LZTR1: variants seen among roughly 807,000 people sequenced by gnomAD.
LZTR1 encodes leucine zipper like post translational regulator 1, also known as leucine-zipper-like transcriptional regulator 1.
A neutral mutation model predicts 105.7 loss-of-function variants in LZTR1; 260 were observed. That is an observed-to-expected ratio of 2.46 (90% CI 2.22 to 2.72). The LOEUF (loss-of-function observed/expected upper bound fraction) is 2.72. Among genes scored for constraint, LZTR1 ranks in the 30% most tolerant of loss-of-function variants. The pLI, the probability that LZTR1 is intolerant of heterozygous loss-of-function variation, is 0.00. For synonymous variants in LZTR1, 490 were observed against 476.4 expected, an observed-to-expected ratio of 1.03 and a Z score of -0.37; for missense variants, 1,214 against 1,166.9, an observed-to-expected ratio of 1.04 and a Z score of -0.59.
In LZTR1 at chr22:20,988,555, G is replaced by C. The variant is rs114061234; in HGVS notation, c.510-234G>C. Reference sequence around the variant, plus strand: ...GAGCACCCCCTTTGATATTTTGGGGGCACCTAGGAGAAGGTTCTGTGCCTC... The same window carrying C: ...GAGCACCCCCTTTGATATTTTGGGGCCACCTAGGAGAAGGTTCTGTGCCTC... On this transcript the variant is annotated intron_variant, in intron 5 of 20. Coordinates refer to ENST00000646124, the MANE Select transcript of LZTR1 (RefSeq NM_006767.4). 8.8e-3 allele frequency among the ~76,000 whole-genome samples: 1,347 copies of C among 152,332 alleles called. 20 individuals are homozygous for C. The highest frequency in any genetic ancestry group is 0.031 in the African/African-American group (1,276 of 41,560).
intron 8 of LZTR1, 51 bp from the exon 9 acceptor site, chr22:20,991,577 G>A: frequency 7.0e-7 from 1 of 1,421,424 alleles, no homozygotes; most frequent in African/African-American, 1.4e-5. Context: ...AGGCCCCGAG[G>A]GTGAGCAGGA....
Position 20,990,475 on chromosome 22 carries a change from C to T in LZTR1, c.741C>T (p.Ser247=), listed in dbSNP as rs114458679. 554 of 1,613,848 alleles carry T rather than the reference C, an allele frequency of 3.4e-4. 5 individuals carry two copies. In the African/African-American group the frequency reaches 6.1e-3, roughly 18 times the overall value. The stretch of plus-strand genomic sequence containing the variant: ...AGATGTTTGTATTCTCTGGGCAAAG[C>T]GGAGCCAAAATAACCAACAACCTCT... The part of the protein sequence containing the change: ...RDKMFVFSGQ[S]GAKITNNLFQ... Residue 247 remains serine, a synonymous_variant, in exon 8 of 21, where the codon AGC becomes AGT. Transcript: ENST00000646124.
At position 20,993,936 on chromosome 22, in the gene LZTR1, G is replaced by A. The variant is rs565109294; in HGVS notation, c.1366G>A (p.Val456Met). 13 of 1,612,266 alleles carry A rather than the reference G, an allele frequency of 8.1e-6. No individual in the cohort carries two copies. The highest frequency in any genetic ancestry group is 1.1e-5 in the South Asian group (1 of 90,884). ...ATTCTTTGTGCAGAAGGAGGAGTGC[G>A]TGCAGGGCCACGTAGCCATTGTCAC... ...EFVLGEKEEC[V>M]QGHVAIVTAR... Residue 456 changes from valine (V) to methionine (M), a missense_variant, in exon 13 of 21, where the codon GTG becomes ATG. Val to Met is a conservative substitution (Grantham distance 21). Transcript: ENST00000646124.
At chr22:20,983,724 G>C (rs2073988) in intron 2 of LZTR1, among the ~76,000 whole-genome samples, 63,057 of 152,078 alleles carry the variant, frequency 0.41, 13,580 homozygotes, top group South Asian at 0.54. Context: ...GGCCTCCTTG[G>C]GGGGCGGGCT....
chr22:20,992,107 T>A, intron 9 of LZTR1, 107 bp from the exon 10 acceptor site: 2 of 1,151,300 alleles, frequency 1.7e-6, no homozygotes, highest in Middle Eastern at 6.0e-4. Context: ...GCCATGCAGC[T>A]CTTCCTTCTT....
rs762834512 is a variant in LZTR1, at chr22:20,996,740, G to T, written c.2264G>T (p.Arg755Leu). 1.2e-6 allele frequency: 2 copies of T among 1,613,398 alleles called. No homozygotes were observed. The highest frequency in any genetic ancestry group is 1.7e-6 in the Non-Finnish European group (2 of 1,179,992). The stretch of plus-strand genomic sequence containing the variant: ...TACTACTACGGCTTCTACAACAACC[G>T]GCTGCAGGCGTACTGCAAGCAGAAC... ...APYYYGFYNN[R>L]LQAYCKQNLE... Residue 755 changes from arginine (R) to leucine (L), a missense_variant, in exon 19 of 21, where the codon CGG becomes CTG. Coordinates refer to ENST00000646124, the MANE Select transcript of LZTR1 (RefSeq NM_006767.4).
Position 20,987,563 on chromosome 22 carries a change from G to C in LZTR1, c.380G>C (p.Gly127Ala). ...PRYHHSAVVY[G>A]SSMFVFGGYT... ...TACCACCACTCGGCCGTCGTCTATG[G>C]GAGCAGCATGTTTGTCTTTGGTAAG... is the stretch of plus-strand genomic sequence containing the variant. Residue 127 changes from glycine (G) to alanine (A), a missense_variant, in exon 4 of 21, where the codon GGG becomes GCG. Transcript: ENST00000646124. 6.2e-7 allele frequency: 1 copy of C among 1,614,122 alleles called. No individual in the cohort carries two copies. The highest frequency in any genetic ancestry group is 8.5e-7 in the Non-Finnish European group (1 of 1,180,030).
In LZTR1 at chr22:20,997,293, C is replaced by T. The variant is rs764779655; in HGVS notation, c.2468C>T (p.Ser823Phe). The T allele has an allele frequency of 1.2e-5, 19 of 1,613,740 alleles. No individual in the cohort carries two copies. The highest frequency in any genetic ancestry group is 1.7e-5 in the Admixed American group (1 of 60,004). ...SQQLLLDIIDSLASHISDKQC... is the reference protein window; with the variant it reads ...SQQLLLDIIDFLASHISDKQC... ...CAGCTGCTGCTGGACATCATAGACT[C>T]CCTGGCCTCCCACATCTCAGACAAG... The change falls in exon 21 of 21, where the codon TCC becomes TTC. Residue 823 changes from serine to phenylalanine, a missense_variant. Transcript: ENST00000646124.
intron 4 of LZTR1, 114 bp downstream of exon 4, chr22:20,987,697 TC>T: frequency 1.0e-6 from 1 of 978,438 alleles, no homozygotes; most frequent in Non-Finnish European, 1.6e-6. Flanking sequence ...GGGCTCTCTC[TC>T]CACCCGTGGC....
Position 20,994,002 on chromosome 22 carries a change from CG to C in LZTR1, c.1435del (p.Glu479ArgfsTer77), listed in dbSNP as rs1924708641. 6.2e-7 allele frequency: 1 copy of C among 1,610,444 alleles called. No individual in the cohort carries two copies. The highest frequency in any genetic ancestry group is 8.5e-7 in the Non-Finnish European group (1 of 1,179,286). ...GCTTCGCAGGAAGATCACGCAGGCG[CG>C]GGAGAGGCTGGCCCAGGTGAGGTGC... Reference protein sequence around the residue: ...RWLRRKITQARERLAQKLEQE... With the variant: ...RWLRRKITQAXERLAQKLEQE... On this transcript the variant is annotated frameshift_variant, in exon 13 of 21. Transcript: ENST00000646124. LOFTEE classifies it high-confidence loss of function.
chr22:20,993,779 C>A (rs1306134137), intron 12 of LZTR1, 25 bp downstream of exon 12: 2 of 1,602,668 alleles, frequency 1.2e-6, no homozygotes, highest in Non-Finnish European at 1.7e-6. Flanking sequence ...TCGCACCCTG[C>A]TCTGCCTGCT....
Position 20,994,982 on chromosome 22 carries a change from A to G in LZTR1, c.1898A>G (p.Gln633Arg). 3 of 1,613,126 alleles carry G rather than the reference A, an allele frequency of 1.9e-6. No individual in the cohort carries two copies. Among genetic ancestry groups the G allele is most frequent in the Non-Finnish European group, 2.5e-6 (3 of 1,179,990 alleles). ...PLIVEIVRRK[Q>R]QPPPRTPLDQ... The stretch of plus-strand genomic sequence containing the variant: ...ATAGTGGAGATTGTGCGGCGGAAGC[A>G]GCAGCCGCCCCCTCGCACTCCCTTG... Residue 633 changes from glutamine to arginine, a missense_variant, in exon 16 of 21, where the codon CAG (glutamine) becomes CGG (arginine). By Grantham distance (43) the Gln-to-Arg change is conservative (BLOSUM62 1). Coordinates refer to ENST00000646124, the MANE Select transcript of LZTR1 (RefSeq NM_006767.4).
intron 13 of LZTR1, 26 bp downstream of exon 13, chr22:20,994,045 G>A: frequency 6.3e-7 from 1 of 1,593,376 alleles, no homozygotes; most frequent in South Asian, 1.1e-5. Flanking sequence ...GCCCTGCCCT[G>A]ACCTGGCAGC....
At chr22:20,983,952 C>T (rs1271212614) in intron 2 of LZTR1, among the ~76,000 whole-genome samples, 1 of 152,234 alleles carries the variant, frequency 6.6e-6, no homozygotes, top group East Asian at 1.9e-4. Context: ...AGCCCAAGTC[C>T]TCATGAGAGT....
rs565364639 is a variant in LZTR1, at chr22:20,994,209, C to T, written c.1555C>T (p.Arg519Trp). 4.6e-5 allele frequency: 74 copies of T among 1,602,268 alleles called. No homozygotes were observed. The highest frequency in any genetic ancestry group is 4.1e-4 in the South Asian group (37 of 90,968). Residue 519 changes from arginine (R) to tryptophan (W), a missense_variant, in exon 14 of 21, where the codon CGG becomes TGG. Physicochemically the swap from Arg to Trp is moderately radical, Grantham distance 101. Transcript: ENST00000646124. ...CGTGGCCATCCGGGAGGCCGAGGCC[C>T]GGCCCTTCGAGGTGCTCATGCAGTT... ...LHVAIREAEA[R>W]PFEVLMQFLY... is the part of the protein sequence containing the mutation.
chr22:20,990,175 A>C (rs780151147), intron 7 of LZTR1, among the ~76,000 whole-genome samples: 2 of 152,160 alleles, frequency 1.3e-5, no homozygotes, highest in Non-Finnish European at 2.9e-5. Flanking sequence ...CTGATGATTT[A>C]ACCCTGACGA....
chr22:20,982,729 G>A (rs1295588430), intron 1 of LZTR1, among the ~76,000 whole-genome samples, 158 bp downstream of exon 1: 2 of 152,190 alleles, frequency 1.3e-5, no homozygotes, highest in Admixed American at 1.3e-4. Flanking sequence ...AGGGGAGAGG[G>A]TTCCGAGGGA....
At chr22:20,997,094 C>A in intron 20 of LZTR1, 128 bp downstream of exon 20, 1 of 1,148,352 alleles carries the variant, frequency 8.7e-7, no homozygotes. Flanking sequence ...AGCAGAGCAG[C>A]CCATCACTGG....
chr22:20,985,533 G>A (rs1357118532), intron 2 of LZTR1, among the ~76,000 whole-genome samples: 2 of 143,830 alleles, frequency 1.4e-5, no homozygotes, highest in Admixed American at 1.3e-4. Flanking sequence ...GGTGACTCTG[G>A]CCTTTGGGCC....
Sources: allele counts gnomAD v4.1 joint callset (sites outside exome capture counted in the v4.1 genomes callset), GRCh38; gene constraint gnomAD v4.1.1; transcripts MANE v1.5; gene names NCBI Gene and HGNC (gene_info 2026-07-23, HGNC 2026-07-21).